The following SYT1 variants were observed in gnomAD, a reference collection of about 807,000 sequenced individuals.
The protein encoded by SYT1 is synaptotagmin 1.
SYT1 carries 8 observed loss-of-function variants against 44.8 expected under a neutral mutation model. The ratio of observed to expected loss-of-function variants is 0.18; its 90% CI spans 0.10 to 0.32. The LOEUF (loss-of-function observed/expected upper bound fraction) is 0.32. Ranked by LOEUF, SYT1 falls within the 10% of genes least tolerant of loss-of-function variation. The probability of loss-of-function intolerance (pLI) is 1.00; values close to 1 mark genes in which losing one functional copy is unlikely to be tolerated. For missense variants in SYT1, 286 were observed against 509.3 expected (o/e 0.56, Z 4.22); for synonymous variants, 154 against 188.8 (o/e 0.82, Z 1.51).
intron 1 of SYT1, among the ~76,000 whole-genome samples, chr12:78,889,768 T>C (rs77161025): frequency 0.082 from 12,524 of 152,000 alleles, 610 homozygotes; most frequent in African/African-American, 0.13. Flanking sequence ...TTTAGCTAAT[T>C]ACCCTTAGAT....
intron 4 of SYT1, among the ~76,000 whole-genome samples, chr12:79,279,817 C>T (rs183710164): frequency 2.9e-4 from 44 of 152,090 alleles, no homozygotes; most frequent in African/African-American, 9.1e-4. Flanking sequence ...AATCAAGGTA[C>T]GTAAATCAGT....
intron 5 of SYT1, 154 bp from the exon 6 acceptor site, chr12:79,291,854 T>C: frequency 1.0e-6 from 1 of 967,700 alleles, no homozygotes; most frequent in Non-Finnish European, 1.6e-6. Context: ...TTAAAAAATA[T>C]GTAAGCAGCA....
chr12:79,329,834 A>G (rs1490123329), intron 8 of SYT1, among the ~76,000 whole-genome samples: 1 of 152,234 alleles, frequency 6.6e-6, no homozygotes, highest in East Asian at 1.9e-4. Context: ...CTTCAGCCAT[A>G]TGGAAACGGA....
At position 79,064,929 on chromosome 12, in the gene SYT1, A is replaced by G. The variant is rs1298752460; in HGVS notation, c.-18+17567A>G. On this transcript the variant is annotated intron_variant, in intron 3 of 10. Coordinates refer to ENST00000261205, the MANE Select transcript of SYT1 (RefSeq NM_005639.3). Reference sequence around the variant, plus strand: ...ACTCTTTAGACAAAAAAATAGAGAGAAAGAAAGAAAGAAAGAAAGAAAGAA... The same window carrying G: ...ACTCTTTAGACAAAAAAATAGAGAGGAAGAAAGAAAGAAAGAAAGAAAGAA... 1.0e-4 allele frequency among the ~76,000 whole-genome samples: 4 copies of G among 39,382 alleles called. No individual in the cohort carries two copies. In the Admixed American group the frequency reaches 1.1e-3, roughly 10 times the overall value. 25.8% of individuals were successfully genotyped at this position (39,382 alleles called of 152,430 possible). A position where few individuals can be genotyped will look rare whatever the true frequency, so the allele number is the denominator to read the frequency against.
In SYT1 at chr12:79,328,584, C is replaced by T. The variant is rs186449934; in HGVS notation, c.811-24918C>T. On this transcript the variant is annotated intron_variant, in intron 8 of 10. Coordinates refer to ENST00000261205, the MANE Select transcript of SYT1 (RefSeq NM_005639.3). Reference sequence around the variant, plus strand: ...ACTCATGGCCGGGTGCGGTGGCTCACGCCTGTAATCCCAGCACTTTGGGAG... The same window carrying T: ...ACTCATGGCCGGGTGCGGTGGCTCATGCCTGTAATCCCAGCACTTTGGGAG... Among the ~76,000 whole-genome samples the T allele has an allele frequency of 7.2e-5, 11 of 152,296 alleles. No homozygotes were observed. The East Asian group carries it at 1.9e-3, about 27-fold the overall frequency.
Position 78,929,452 on chromosome 12 carries a change from TTAGCAGCA to T in SYT1, c.-216-48346_-216-48339del, listed in dbSNP as rs1446689764. Reference sequence around the variant, plus strand: ...AAAAAAAAAAAAAAAAAAAAGGTTATTAGCAGCAATTAGTTTTATAAAGGTAGGAAGAA... The same window carrying T: ...AAAAAAAAAAAAAAAAAAAAGGTTATATTAGTTTTATAAAGGTAGGAAGAA... On this transcript the variant is annotated intron_variant, in intron 1 of 10. Coordinates refer to ENST00000261205, the MANE Select transcript of SYT1 (RefSeq NM_005639.3). Among the ~76,000 whole-genome samples the T allele has an allele frequency of 5.0e-5, 4 of 80,466 alleles. 1 individual carries two copies. The South Asian group carries it at 1.7e-3, about 35-fold the overall frequency. 52.8% of individuals were successfully genotyped at this position (80,466 alleles called of 152,430 possible).
At chr12:79,312,515 A>T (rs1249475461) in intron 8 of SYT1, among the ~76,000 whole-genome samples, 1 of 151,996 alleles carries the variant, frequency 6.6e-6, no homozygotes, top group Non-Finnish European at 1.5e-5. Flanking sequence ...TTCCCTTTTG[A>T]TAAAAGAACA....
chr12:79,082,582 T>C (rs1321587677), intron 3 of SYT1, among the ~76,000 whole-genome samples: 3 of 151,990 alleles, frequency 2.0e-5, no homozygotes, highest in African/African-American at 7.3e-5. Context: ...ACGAAGAAAA[T>C]AAGTTGAGCA....
chr12:79,129,070 C>T (rs543620239), intron 3 of SYT1, among the ~76,000 whole-genome samples: 1 of 152,248 alleles, frequency 6.6e-6, no homozygotes, highest in South Asian at 2.1e-4. Context: ...TTACAGTCCC[C>T]TAGACCCTCC....
At chr12:79,311,260 T>G (rs914253556) in intron 8 of SYT1, among the ~76,000 whole-genome samples, 3 of 152,000 alleles carry the variant, frequency 2.0e-5, no homozygotes, top group Non-Finnish European at 2.9e-5. Flanking sequence ...AAAAAACACA[T>G]GAAAAAATGC....
At chr12:78,980,026 T>G (rs1869131883) in intron 2 of SYT1, among the ~76,000 whole-genome samples, 1 of 152,168 alleles carries the variant, frequency 6.6e-6, no homozygotes, top group African/African-American at 2.4e-5. Context: ...ACAACTAAAT[T>G]GAATTCTTTG....
chr12:78,945,825 A>C (rs890261125), intron 1 of SYT1, among the ~76,000 whole-genome samples: 1 of 152,154 alleles, frequency 6.6e-6, no homozygotes, highest in South Asian at 2.1e-4. Flanking sequence ...CCCATAGCCA[A>C]CATGCCTCAC....
chr12:79,331,576 G>A lies in SYT1; in HGVS notation c.811-21926G>A, dbSNP rs539423967. ...CTTTTATTTTGCCAAGAATTAATATGCATTTTAAAGCAATAGAAATAATTT... is the reference window on the plus strand; with the variant it reads ...CTTTTATTTTGCCAAGAATTAATATACATTTTAAAGCAATAGAAATAATTT... On this transcript the variant is annotated intron_variant, in intron 8 of 10. Coordinates refer to ENST00000261205, the MANE Select transcript of SYT1 (RefSeq NM_005639.3). Among the ~76,000 whole-genome samples, 10 of 152,100 alleles carry A rather than the reference G, an allele frequency of 6.6e-5. No individual in the cohort carries two copies. In the South Asian group the frequency reaches 8.3e-4, roughly 13 times the overall value.
At chr12:79,206,315 G>T (rs1195995918) in intron 3 of SYT1, among the ~76,000 whole-genome samples, 1 of 151,954 alleles carries the variant, frequency 6.6e-6, no homozygotes, top group African/African-American at 2.4e-5. Context: ...TGCTAGTTTT[G>T]ATGGTAAAGC....
At chr12:78,936,722 A>C (rs1024208981) in intron 1 of SYT1, among the ~76,000 whole-genome samples, 1 of 152,188 alleles carries the variant, frequency 6.6e-6, no homozygotes, top group Non-Finnish European at 1.5e-5. Context: ...CTATTGCAGT[A>C]GGAAAGGAAG....
At chr12:79,389,214 T>C (rs888139998) in intron 9 of SYT1, among the ~76,000 whole-genome samples, 17 of 152,310 alleles carry the variant, frequency 1.1e-4, no homozygotes, top group South Asian at 2.1e-4. Context: ...AACTGTACTA[T>C]AGAACGTCTT....
At chr12:78,896,807 A>G (rs2137086341) in intron 1 of SYT1, among the ~76,000 whole-genome samples, 1 of 151,998 alleles carries the variant, frequency 6.6e-6, no homozygotes, top group South Asian at 2.1e-4. Flanking sequence ...CTTTTTGATG[A>G]ATACAAAAAG....
At chr12:79,411,628 AAT>A (rs1468141465) in intron 9 of SYT1, among the ~76,000 whole-genome samples, 1 of 152,144 alleles carries the variant, frequency 6.6e-6, no homozygotes, top group Non-Finnish European at 1.5e-5. Flanking sequence ...AACAAACATA[AAT>A]ATATGTGTTT....
chr12:78,927,899 A>G (rs1300315879), intron 1 of SYT1, among the ~76,000 whole-genome samples: 1 of 152,108 alleles, frequency 6.6e-6, no homozygotes, highest in Non-Finnish European at 1.5e-5. Flanking sequence ...ACTTCATTCT[A>G]CTAATTTTCC....
Sources: allele counts gnomAD v4.1 joint callset (sites outside exome capture counted in the v4.1 genomes callset), GRCh38; gene constraint gnomAD v4.1.1; transcripts MANE v1.5; gene names NCBI Gene and HGNC (gene_info 2026-07-23, HGNC 2026-07-21).